UNC13C: variants seen among roughly 807,000 people sequenced by gnomAD.
UNC13C encodes protein unc-13 homolog C.
UNC13C carries 174 observed loss-of-function variants against 245.4 expected under a neutral mutation model. The observed-to-expected ratio is 0.71, with a 90% CI of 0.63 to 0.80. The LOEUF (loss-of-function observed/expected upper bound fraction) is 0.80. Among genes scored for constraint, UNC13C ranks in the 30% least tolerant of loss-of-function variants. The pLI, the probability that UNC13C is intolerant of heterozygous loss-of-function variation, is 0.00. For missense variants in UNC13C, 2,829 were observed against 2,602.9 expected, an observed-to-expected ratio of 1.09 and a Z score of -1.89; for synonymous variants, 992 against 895.1, an observed-to-expected ratio of 1.11 and a Z score of -1.93.
chr15:54,006,801 T>C (rs535703046), intron 1 of UNC13C, among the ~76,000 whole-genome samples: 1 of 152,334 alleles, frequency 6.6e-6, no homozygotes, highest in South Asian at 2.1e-4. Context: ...TATTGGTGTA[T>C]CTGGCTTGCC....
chr15:54,269,082 G>A (rs2036620350), intron 10 of UNC13C, among the ~76,000 whole-genome samples: 2 of 144,828 alleles, frequency 1.4e-5, no homozygotes, highest in Admixed American at 6.8e-5. Context: ...TATACTTTAA[G>A]TTTTAGAGTA....
chr15:53,865,852 G>A, the UNC13C span, among the ~76,000 whole-genome samples: 12 of 152,220 alleles, frequency 7.9e-5, no homozygotes, highest in African/African-American at 2.6e-4. Flanking sequence ...CCAGTTAAAT[G>A]TAAGTTGACT....
Position 54,300,391 on chromosome 15 carries a change from T to C in UNC13C, c.4268+18T>C, listed in dbSNP as rs1323577152. ...GCTATGACGTAAGTACTACAGAACA[T>C]TTACATGGTCAATATCTCTATTAAA... On this transcript the variant is annotated intron_variant, in intron 13 of 32. Coordinates refer to ENST00000260323, the MANE Select transcript of UNC13C (RefSeq NM_001080534.3). 8.4e-6 allele frequency: 13 copies of C among 1,553,630 alleles called. No individual in the cohort carries two copies. Among genetic ancestry groups the C allele is most frequent in the African/African-American group, 1.4e-5 (1 of 73,416 alleles).
chr15:54,585,954 T>A (rs1898467346), intron 30 of UNC13C, among the ~76,000 whole-genome samples: 1 of 152,138 alleles, frequency 6.6e-6, no homozygotes, highest in Admixed American at 6.5e-5. Flanking sequence ...AAAAATAAAT[T>A]TCTCATATCT....
intron 2 of UNC13C, among the ~76,000 whole-genome samples, chr15:54,124,440 T>C (rs775671132): frequency 6.6e-6 from 1 of 152,240 alleles, no homozygotes; most frequent in Non-Finnish European, 1.5e-5. Context: ...ATGTCCTCTT[T>C]AGTGAAATAA....
At chr15:54,190,154 T>C (rs1444701264) in intron 4 of UNC13C, among the ~76,000 whole-genome samples, 2 of 152,152 alleles carry the variant, frequency 1.3e-5, no homozygotes, top group African/African-American at 4.8e-5. Context: ...TGGTTAATAC[T>C]CTTACCTCCA....
At chr15:54,470,019 A>C (rs567407504) in intron 19 of UNC13C, among the ~76,000 whole-genome samples, 1 of 151,730 alleles carries the variant, frequency 6.6e-6, no homozygotes, top group Admixed American at 6.6e-5. Context: ...TAAGATGCTC[A>C]TATGGTCTTT....
intron 7 of UNC13C, among the ~76,000 whole-genome samples, chr15:54,245,109 T>C (rs2035958066): frequency 6.6e-6 from 1 of 152,142 alleles, no homozygotes; most frequent in South Asian, 2.1e-4. Flanking sequence ...CACATTAAAA[T>C]GGCTAAAGTT....
intron 29 of UNC13C, among the ~76,000 whole-genome samples, chr15:54,563,714 C>A (rs1379377862): frequency 6.6e-6 from 1 of 152,020 alleles, no homozygotes; most frequent in Non-Finnish European, 1.5e-5. Context: ...ATCAACTATA[C>A]TGCACTGAGC....
chr15:54,196,344 GA>G (rs571131122), intron 4 of UNC13C, among the ~76,000 whole-genome samples: 232 of 135,840 alleles, frequency 1.7e-3, no homozygotes, highest in Middle Eastern at 7.8e-3. Flanking sequence ...GGCTACTGGA[GA>G]AAAAAAAAAA....
intron 4 of UNC13C, among the ~76,000 whole-genome samples, chr15:54,170,865 C>G (rs1043610795): frequency 3.9e-5 from 6 of 152,132 alleles, no homozygotes; most frequent in African/African-American, 1.4e-4. Context: ...TGAAGAATGT[C>G]TGCCTAAAGG....
At chr15:54,212,480 G>A (rs1011440311) in intron 4 of UNC13C, among the ~76,000 whole-genome samples, 6 of 151,942 alleles carry the variant, frequency 3.9e-5, no homozygotes, top group Non-Finnish European at 7.4e-5. Flanking sequence ...GTTAAATTAT[G>A]TACACAATAC....
intron 2 of UNC13C, among the ~76,000 whole-genome samples, chr15:54,056,889 C>A (rs969417308): frequency 2.0e-5 from 3 of 152,060 alleles, no homozygotes; most frequent in Non-Finnish European, 4.4e-5. Flanking sequence ...GAAATAAAAT[C>A]CTTTACAGAC....
chr15:54,390,877 A>G lies in UNC13C; in HGVS notation c.4714-2171A>G, dbSNP rs61031605. On this transcript the variant is annotated intron_variant, in intron 17 of 32. Coordinates refer to ENST00000260323, the MANE Select transcript of UNC13C (RefSeq NM_001080534.3). ...AGCATGCAGTCTATTACAATACGCTATTAAAGTAGGGAAAGCCTGGTTTAT... is the reference window on the plus strand; with the variant it reads ...AGCATGCAGTCTATTACAATACGCTGTTAAAGTAGGGAAAGCCTGGTTTAT... Among the ~76,000 whole-genome samples, 663 of 151,762 alleles carry G rather than the reference A, an allele frequency of 4.4e-3. 29 individuals carry two copies. The East Asian group carries it at 0.093, about 21-fold the overall frequency.
At chr15:54,604,775 G>A (rs914527443) in intron 30 of UNC13C, among the ~76,000 whole-genome samples, 1 of 152,150 alleles carries the variant, frequency 6.6e-6, no homozygotes, top group Non-Finnish European at 1.5e-5. Context: ...TTCAGATGTT[G>A]TTACTCTGAC....
chr15:54,455,195 CTCTCTCTCTCTATATATATA>C lies in UNC13C; in HGVS notation c.4934-39411_4934-39392del, dbSNP rs1254411488. On this transcript the variant is annotated intron_variant, in intron 19 of 32. Transcript: ENST00000260323. ...TCTCTCTCTCTCTCTCTCTCTCTCTCTCTCTCTCTCTATATATATATATATATATATATATATATATATGT... is the reference window on the plus strand; with the variant it reads ...TCTCTCTCTCTCTCTCTCTCTCTCTCTATATATATATATATATATATATGT... Among the ~76,000 whole-genome samples the C allele has an allele frequency of 2.0e-3, 93 of 46,690 alleles. 1 individual carries two copies. Among genetic ancestry groups the C allele is most frequent in the African/African-American group, 6.2e-3 (87 of 14,028 alleles). 30.6% of individuals were successfully genotyped at this position (46,690 alleles called of 152,430 possible). A position where few individuals can be genotyped will look rare whatever the true frequency, so the allele number is the denominator to read the frequency against.
At chr15:54,244,327 C>G (rs1005663310) in intron 7 of UNC13C, among the ~76,000 whole-genome samples, 1 of 152,130 alleles carries the variant, frequency 6.6e-6, no homozygotes. Context: ...TTTCATTAGT[C>G]TATGTGTCTG....
upstream of UNC13C, chr15:53,974,738 C>CTTTTTTTT (rs3082304): frequency 6.7e-6 from 1 of 149,718 alleles, no homozygotes. Flanking sequence ...GTCAAAAGCA[C>CTTTTTTTT]TTTTTTTTTT....
intron 30 of UNC13C, among the ~76,000 whole-genome samples, chr15:54,571,460 C>G (rs1056157659): frequency 1.3e-5 from 2 of 152,202 alleles, no homozygotes; most frequent in Non-Finnish European, 2.9e-5. Flanking sequence ...ATGGGAGCTA[C>G]AATTCCAGAT....
Sources: allele counts gnomAD v4.1 joint callset (sites outside exome capture counted in the v4.1 genomes callset), GRCh38; gene constraint gnomAD v4.1.1; transcripts MANE v1.5; gene names NCBI Gene and HGNC (gene_info 2026-07-23, HGNC 2026-07-21).